FBXO27: variants seen among roughly 807,000 people sequenced by gnomAD.
The protein encoded by FBXO27 is F-box protein 27.
In FBXO27, 28 loss-of-function variants were observed where a neutral mutation model predicts 28.3. The observed-to-expected ratio is 0.99, with a 90% CI of 0.73 to 1.36. The LOEUF (loss-of-function observed/expected upper bound fraction) is 1.36, where lower values mean the gene tolerates loss of function less well. Among genes scored for constraint, FBXO27 ranks in the 40% most tolerant of loss-of-function variants. FBXO27 has a pLI of 0.00. For missense variants in FBXO27, 388 were observed against 394.1 expected (o/e 0.98, Z 0.13); for synonymous variants, 175 against 167.3 (o/e 1.05, Z -0.36).
intron 2 of FBXO27, among the ~76,000 whole-genome samples, chr19:39,010,631 G>T (rs1177120013): frequency 6.6e-6 from 1 of 152,154 alleles, no homozygotes; most frequent in Non-Finnish European, 1.5e-5. Flanking sequence ...AACACCAGGG[G>T]GTTATCCCCC....
At chr19:39,012,072 A>G (rs2072797470) in intron 2 of FBXO27, among the ~76,000 whole-genome samples, 1 of 150,684 alleles carries the variant, frequency 6.6e-6, no homozygotes, top group Non-Finnish European at 1.5e-5. Flanking sequence ...TGACCTCGTG[A>G]TCCGCCCGTC....
chr19:39,022,120 G>GT (rs1041696199), downstream of FBXO27, among the ~76,000 whole-genome samples: 1 of 133,894 alleles, frequency 7.5e-6, no homozygotes, highest in African/African-American at 2.7e-5. Flanking sequence ...CTTTGTGGAA[G>GT]TTTTTTTCCC....
Position 39,032,049 on chromosome 19 carries a change from A to T in FBXO27, c.179T>A (p.Leu60Gln). ...CRQVCRGWRA[L>Q]VDGQALWLLI... is the part of the protein sequence containing the mutation. ...CAGCCACAGGGCCTGGCCGTCCACC[A>T]GGGCTCGCCAGCCCCGGCACACTTG... Residue 60 changes from leucine (L) to glutamine (Q), a missense_variant, in exon 2 of 6, where the codon CTG (leucine) becomes CAG (glutamine). Transcript: ENST00000292853. The surrounding 1 kb of genome is among the most constrained non-coding windows in gnomAD (Gnocchi z 4.7). 6.5e-7 allele frequency: 1 copy of T among 1,529,094 alleles called. No homozygotes were observed. Among genetic ancestry groups the T allele is most frequent in the Non-Finnish European group, 8.7e-7 (1 of 1,143,462 alleles). 94.7% of individuals were successfully genotyped at this position (1,529,094 alleles called of 1,614,324 possible). A position where few individuals can be genotyped will look rare whatever the true frequency, so the allele number is the denominator to read the frequency against.
At position 39,031,017 on chromosome 19, in the gene FBXO27, C is replaced by G; in HGVS notation, c.572+12G>C. ...GTGCTTAGCAAGGGGCTATTTTAAT[C>G]GTCACACTCACCAGTCAGAGACACA... is the stretch of plus-strand genomic sequence containing the variant. On this transcript the variant is annotated intron_variant, in intron 4 of 5. Coordinates refer to ENST00000292853, the MANE Select transcript of FBXO27 (RefSeq NM_178820.5). The G allele has an allele frequency of 6.2e-7, 1 of 1,611,052 alleles. No individual in the cohort carries two copies. The highest frequency in any genetic ancestry group is 1.1e-5 in the South Asian group (1 of 91,010).
chr19:39,020,755 CA>C (rs61577516), downstream of FBXO27, among the ~76,000 whole-genome samples: 10,686 of 105,234 alleles, frequency 0.1, 1,247 homozygotes, highest in African/African-American at 0.34. Context: ...GTGGATATGG[CA>C]AAAAAAAAAA....
At chr19:39,015,135 G>A (rs2072813568) in intron 1 of FBXO27, among the ~76,000 whole-genome samples, 1 of 151,386 alleles carries the variant, frequency 6.6e-6, no homozygotes, top group Admixed American at 6.6e-5. Context: ...GGGCAACGTG[G>A]CAAAACCCCC....
chr19:39,021,013 C>T (rs1412533179), downstream of FBXO27, among the ~76,000 whole-genome samples: 2 of 152,092 alleles, frequency 1.3e-5, no homozygotes, highest in Non-Finnish European at 2.9e-5. Flanking sequence ...CGCCACCACG[C>T]CCAGCTAATT....
rs1235152175 is a variant in FBXO27, at chr19:39,032,099, C to CG, written c.128dup (p.Arg44AlafsTer52). On this transcript the variant is annotated frameshift_variant, in exon 2 of 6. Transcript: ENST00000292853. LOFTEE classifies it high-confidence loss of function. This position sits in a 1 kb window ranked among gnomAD's most constrained non-coding sequence, Gnocchi z 4.7. ...GGCGGCAGCGCCCGAGCAGCGTGCG[C>CG]GGGGGGACGTGGCTCAGCACCACCA... 2.0e-6 allele frequency: 3 copies of CG among 1,531,002 alleles called. No individual in the cohort carries two copies. Among genetic ancestry groups the CG allele is most frequent in the African/African-American group, 1.4e-5 (1 of 69,278 alleles). The allele number at this position is 1,531,002 out of a possible 1,614,324, so 94.8% of individuals were successfully genotyped here. A position where few individuals can be genotyped will look rare whatever the true frequency, so the allele number is the denominator to read the frequency against.
chr19:39,017,109 G>A (rs1185203210), intron 1 of FBXO27, among the ~76,000 whole-genome samples: 1 of 152,074 alleles, frequency 6.6e-6, no homozygotes, highest in Non-Finnish European at 1.5e-5. Flanking sequence ...TTGCTTTAAA[G>A]TGAAACTCCA....
At chr19:39,013,647 AT>A (rs1207728311) in intron 2 of FBXO27, among the ~76,000 whole-genome samples, 3 of 151,624 alleles carry the variant, frequency 2.0e-5, no homozygotes, top group Admixed American at 6.6e-5. Context: ...ATTAAAAAAA[AT>A]AAAAGAAAAT....
At position 39,031,179 on chromosome 19, in the gene FBXO27, G is replaced by T. The variant is rs530607803; in HGVS notation, c.476+30C>A. The T allele has an allele frequency of 1.9e-5, 30 of 1,613,216 alleles. No homozygotes were observed. In the East Asian group the frequency reaches 5.8e-4, roughly 31 times the overall value. On this transcript the variant is annotated intron_variant, in intron 3 of 5. Coordinates refer to ENST00000292853, the MANE Select transcript of FBXO27 (RefSeq NM_178820.5). ...ACAGGCAGGCCTTTCTCAACAAGGG[G>T]CCGGACCTTTGGATAGCAGGGGCAT...
intron 2 of FBXO27, 51 bp from the exon 3 acceptor site, chr19:39,031,371 T>C (rs1480059555): frequency 6.3e-7 from 1 of 1,575,370 alleles, no homozygotes; most frequent in Non-Finnish European, 8.7e-7. Context: ...CGCCTGTTGG[T>C]TCCTAGTGAG....
At chr19:39,021,004 G>A (rs562324157), downstream of FBXO27, among the ~76,000 whole-genome samples, 87 of 152,054 alleles carry the variant, frequency 5.7e-4, no homozygotes, top group African/African-American at 2.0e-3. Flanking sequence ...ACAGGCACCC[G>A]CCACCACGCC....
At chr19:39,011,302 C>T (rs1184237310) in intron 2 of FBXO27, among the ~76,000 whole-genome samples, 2 of 152,086 alleles carry the variant, frequency 1.3e-5, no homozygotes, top group Non-Finnish European at 2.9e-5. Context: ...CGTGGTGTCA[C>T]CCGCCTGTAA....
intron 2 of FBXO27, among the ~76,000 whole-genome samples, chr19:39,010,799 A>G (rs2072790868): frequency 6.6e-6 from 1 of 152,266 alleles, no homozygotes; most frequent in Non-Finnish European, 1.5e-5. Context: ...CCTGCTGTGC[A>G]GGAGTAATCA....
chr19:39,029,278 A>T (rs4802008), intron 4 of FBXO27, among the ~76,000 whole-genome samples: 8 of 150,772 alleles, frequency 5.3e-5, no homozygotes, highest in Admixed American at 2.7e-4. Context: ...ATAAAAAAAA[A>T]TAGCCAGGTG....
At chr19:39,011,839 T>C (rs2072796268) in intron 2 of FBXO27, among the ~76,000 whole-genome samples, 1 of 149,832 alleles carries the variant, frequency 6.7e-6, no homozygotes, top group South Asian at 2.1e-4. Flanking sequence ...TTTTTTTTTT[T>C]TTTTTTTAGA....
At chr19:39,015,321 A>C (rs2072814715) in intron 1 of FBXO27, among the ~76,000 whole-genome samples, 1 of 10,820 alleles carries the variant, frequency 9.2e-5, no homozygotes, top group African/African-American at 2.0e-4. Context: ...TCTGTCTCAA[A>C]AAAAAAAAAA....
chr19:39,009,966 C>T (rs2072787346), intron 2 of FBXO27, among the ~76,000 whole-genome samples: 1 of 151,932 alleles, frequency 6.6e-6, no homozygotes, highest in Admixed American at 6.6e-5. Flanking sequence ...GCTACCACCA[C>T]TCCTGGCTAA....
Sources: gnomAD v4.1 joint callset for allele counts (sites outside exome capture counted in the v4.1 genomes callset) on GRCh38, gnomAD v4.1.1 for gene constraint, Gnocchi (gnomAD v3.1) non-coding constraint, MANE v1.5 for transcripts, NCBI Gene and HGNC (gene_info 2026-07-23, HGNC 2026-07-21) for gene names.